The following RASAL2 variants were observed in gnomAD, a reference collection of about 807,000 sequenced individuals.
RASAL2 encodes the protein RAS protein activator like 2.
A neutral mutation model predicts 128.9 loss-of-function variants in RASAL2; 58 were observed. The observed-to-expected ratio is 0.45, with a 90% CI of 0.36 to 0.56. RASAL2 has a LOEUF of 0.56. RASAL2 is among the 20% of genes least tolerant of loss of function. The pLI is 0.00. For missense variants in RASAL2, 1,360 were observed against 1,601.6 expected (o/e 0.85, Z 2.57); for synonymous variants, 561 against 580.8 (o/e 0.97, Z 0.49).
intron 1 of RASAL2, among the ~76,000 whole-genome samples, chr1:178,159,288 C>T (rs372084510): frequency 4.6e-5 from 7 of 152,148 alleles, no homozygotes; most frequent in East Asian, 1.9e-4. Context: ...AGAAACATTG[C>T]GAATGAGGTG....
At chr1:178,107,853 A>G (rs993695519) in intron 1 of RASAL2, among the ~76,000 whole-genome samples, 2 of 152,126 alleles carry the variant, frequency 1.3e-5, no homozygotes, top group Non-Finnish European at 2.9e-5. Flanking sequence ...TTATCCATTC[A>G]TTTGTTGATG....
chr1:178,345,486 T>G (rs886950687), intron 3 of RASAL2, among the ~76,000 whole-genome samples: 1 of 152,186 alleles, frequency 6.6e-6, no homozygotes, highest in African/African-American at 2.4e-5. Context: ...AAAAATGTTG[T>G]AACAGCACTG....
At chr1:178,448,421 A>T (rs1376629612) in intron 9 of RASAL2, among the ~76,000 whole-genome samples, 2 of 152,224 alleles carry the variant, frequency 1.3e-5, no homozygotes, top group Admixed American at 1.3e-4. Context: ...CTGTGTTTAC[A>T]TGAAGCAGAC....
intron 1 of RASAL2, chr1:178,123,674 T>C (rs1659791969): frequency 6.6e-6 from 1 of 152,134 alleles, no homozygotes; most frequent in Non-Finnish European, 1.5e-5. Context: ...GTTTTAAATT[T>C]GATGTTGTAT....
intron 3 of RASAL2, among the ~76,000 whole-genome samples, chr1:178,364,044 C>T (rs562983047): frequency 1.3e-5 from 2 of 150,568 alleles, no homozygotes; most frequent in South Asian, 2.1e-4. Flanking sequence ...TGCAGTGAGC[C>T]GAGATCGCGC....
chr1:178,320,651 T>A (rs750370954), intron 3 of RASAL2, among the ~76,000 whole-genome samples: 1 of 152,150 alleles, frequency 6.6e-6, no homozygotes, highest in Non-Finnish European at 1.5e-5. Flanking sequence ...CTGCTTTGGC[T>A]CGCACACGGT....
At chr1:178,243,307 G>C (rs1221247465) in intron 1 of RASAL2, among the ~76,000 whole-genome samples, 2 of 152,160 alleles carry the variant, frequency 1.3e-5, no homozygotes, top group Non-Finnish European at 2.9e-5. Flanking sequence ...CCCCAGGATA[G>C]GCCATCTGGT....
chr1:178,147,500 A>T lies in RASAL2; in HGVS notation c.202+52806A>T, dbSNP rs1263696914. ...GTCTCAAAAAAAAAAAAAAAAAGAAAAGTAAAGGAAAGCTAGTTTATATAA... is the reference window on the plus strand; with the variant it reads ...GTCTCAAAAAAAAAAAAAAAAAGAATAGTAAAGGAAAGCTAGTTTATATAA... On this transcript the variant is annotated intron_variant, in intron 1 of 17. Transcript: ENST00000367649. Among the ~76,000 whole-genome samples, 3 of 151,844 alleles carry T rather than the reference A, an allele frequency of 2.0e-5. No homozygotes were observed. In the East Asian group the frequency reaches 5.8e-4, roughly 29 times the overall value.
At position 178,313,541 on chromosome 1, in the gene RASAL2, A is replaced by G. The variant is rs142249179; in HGVS notation, c.457+13423A>G. Among the ~76,000 whole-genome samples, 555 of 151,396 alleles carry G rather than the reference A, an allele frequency of 3.7e-3. 4 individuals carry two copies. Among genetic ancestry groups the G allele is most frequent in the East Asian group, 0.02 (102 of 5,118 alleles). On this transcript the variant is annotated intron_variant, in intron 3 of 17. Transcript: ENST00000367649. Reference sequence around the variant, plus strand: ...GGTCTCACTCTGTCACCCGGGCTGGAGTGCAGTGGCATGATCACAGCTCAC... The same window carrying G: ...GGTCTCACTCTGTCACCCGGGCTGGGGTGCAGTGGCATGATCACAGCTCAC...
intron 1 of RASAL2, among the ~76,000 whole-genome samples, chr1:178,161,947 T>G (rs971548365): frequency 6.0e-5 from 9 of 151,236 alleles, no homozygotes; most frequent in South Asian, 4.2e-4. Context: ...ATTGTTGATT[T>G]ATTTATTTAT....
intron 1 of RASAL2, among the ~76,000 whole-genome samples, chr1:178,272,079 G>A (rs1195722899): frequency 1.3e-5 from 2 of 152,036 alleles, no homozygotes; most frequent in Non-Finnish European, 2.9e-5. Flanking sequence ...TTTTTGTAGT[G>A]TTTATCAGAA....
intron 1 of RASAL2, among the ~76,000 whole-genome samples, chr1:178,130,412 G>A (rs1383261396): frequency 1.3e-5 from 2 of 152,206 alleles, no homozygotes; most frequent in East Asian, 3.8e-4. Flanking sequence ...GACATCTGAT[G>A]TTTGAAGGAG....
In RASAL2 at chr1:178,252,633, A is replaced by G. The variant is rs80266454; in HGVS notation, c.203-30931A>G. On this transcript the variant is annotated intron_variant, in intron 1 of 17. Coordinates refer to ENST00000367649, the MANE Select transcript of RASAL2 (RefSeq NM_170692.4). Reference sequence around the variant, plus strand: ...TAGAAATGAAATCATTAAGATCAGAATACAGTTTTTGGCCTATAAAGCTCA... The same window carrying G: ...TAGAAATGAAATCATTAAGATCAGAGTACAGTTTTTGGCCTATAAAGCTCA... 9.0e-3 allele frequency among the ~76,000 whole-genome samples: 1,378 copies of G among 152,336 alleles called. 24 individuals are homozygous for G. Among genetic ancestry groups the G allele is most frequent in the African/African-American group, 0.031 (1,297 of 41,580 alleles).
intron 4 of RASAL2, among the ~76,000 whole-genome samples, chr1:178,397,293 T>C (rs1673298505): frequency 6.6e-6 from 1 of 152,112 alleles, no homozygotes; most frequent in Admixed American, 6.6e-5. Context: ...TATTTAGCCA[T>C]GAAAAAGGAA....
At chr1:178,161,958 TTTTATTTATTTA>T (rs56767855) in intron 1 of RASAL2, among the ~76,000 whole-genome samples, 5 of 150,506 alleles carry the variant, frequency 3.3e-5, no homozygotes, top group Admixed American at 1.3e-4. Context: ...ATTTATTTAT[TTTTATTTATTTA>T]TTTATTTATT....
intron 1 of RASAL2, among the ~76,000 whole-genome samples, chr1:178,200,405 CA>C (rs1472434453): frequency 2.0e-5 from 3 of 152,154 alleles, no homozygotes; most frequent in Non-Finnish European, 4.4e-5. Flanking sequence ...AAGAGTTTAG[CA>C]ACTTTATACA....
chr1:178,354,630 T>A (rs1330769873), intron 3 of RASAL2, among the ~76,000 whole-genome samples: 1 of 152,210 alleles, frequency 6.6e-6, no homozygotes, highest in Non-Finnish European at 1.5e-5. Flanking sequence ...AGTTGCTAGA[T>A]AACAAGATCC....
At chr1:178,277,552 C>A (rs1666584140) in intron 1 of RASAL2, among the ~76,000 whole-genome samples, 1 of 152,184 alleles carries the variant, frequency 6.6e-6, no homozygotes, top group African/African-American at 2.4e-5. Context: ...CAAAACAAAT[C>A]TGGTCATTGA....
At chr1:178,344,366 T>C (rs1235102875) in intron 3 of RASAL2, among the ~76,000 whole-genome samples, 1 of 152,164 alleles carries the variant, frequency 6.6e-6, no homozygotes, top group Non-Finnish European at 1.5e-5. Flanking sequence ...GAATGAAATA[T>C]CTTCAAAGAA....
Sources: gnomAD v4.1 joint callset for allele counts (sites outside exome capture counted in the v4.1 genomes callset) on GRCh38, gnomAD v4.1.1 for gene constraint, MANE v1.5 for transcripts, NCBI Gene and HGNC (gene_info 2026-07-23, HGNC 2026-07-21) for gene names.